The following ST3GAL3 variants were observed in gnomAD, a reference collection of about 807,000 sequenced individuals.
ST3GAL3 encodes the protein ST3 beta-galactoside alpha-2,3-sialyltransferase 3.
A neutral mutation model predicts 50.1 loss-of-function variants in ST3GAL3; 21 were observed. That is an observed-to-expected ratio of 0.42 (90% CI 0.30 to 0.60). ST3GAL3 has a LOEUF of 0.60. ST3GAL3 is among the 20% of genes least tolerant of loss of function. ST3GAL3 has a pLI of 0.19. For missense variants in ST3GAL3, 353 were observed against 489.4 expected, an observed-to-expected ratio of 0.72 and a Z score of 2.63; for synonymous variants, 183 against 190.0, an observed-to-expected ratio of 0.96 and a Z score of 0.30.
chr1:43,902,182 G>T (rs930411151), intron 9 of ST3GAL3, among the ~76,000 whole-genome samples: 9 of 152,342 alleles, frequency 5.9e-5, no homozygotes, highest in Non-Finnish European at 1.3e-4. Flanking sequence ...GATGTTTCCA[G>T]TCATACAGCC....
chr1:43,724,134 T>A (rs979963273), intron 1 of ST3GAL3, among the ~76,000 whole-genome samples: 4 of 152,192 alleles, frequency 2.6e-5, no homozygotes, highest in Admixed American at 2.6e-4. Context: ...ACCTTTAGAA[T>A]GTATTACTTT....
intron 5 of ST3GAL3, among the ~76,000 whole-genome samples, chr1:43,877,574 C>G (rs1186379377): frequency 6.6e-6 from 1 of 152,160 alleles, no homozygotes; most frequent in Non-Finnish European, 1.5e-5. Context: ...AGTAGGAGAT[C>G]TTGGACAAGA....
chr1:43,754,947 G>A (rs1325772122), intron 2 of ST3GAL3, among the ~76,000 whole-genome samples: 1 of 151,476 alleles, frequency 6.6e-6, no homozygotes, highest in African/African-American at 2.4e-5. Context: ...CATAATAAAA[G>A]ATTATCTTTG....
At chr1:43,888,734 A>T (rs896644912) in intron 5 of ST3GAL3, among the ~76,000 whole-genome samples, 6 of 152,160 alleles carry the variant, frequency 3.9e-5, no homozygotes, top group Non-Finnish European at 8.8e-5. Flanking sequence ...TTTTTTTTCT[A>T]TCAGACTAAC....
intron 3 of ST3GAL3, among the ~76,000 whole-genome samples, chr1:43,805,363 C>T (rs2059753289): frequency 6.6e-6 from 1 of 152,238 alleles, no homozygotes; most frequent in African/African-American, 2.4e-5. Context: ...AGTCTCACCA[C>T]TTGCCTGCAA....
At position 43,736,221 on chromosome 1, in the gene ST3GAL3, T is replaced by C; in HGVS notation, c.-30-12T>C. 6.2e-7 allele frequency: 1 copy of C among 1,613,152 alleles called. No individual in the cohort carries two copies. Among genetic ancestry groups the C allele is most frequent in the Non-Finnish European group, 8.5e-7 (1 of 1,179,092 alleles). ...GCTTTGTCTTTTAAGAACTAAACTT[T>C]TTCTTTTCTAGGTCATTTAGGAAAT... is the stretch of plus-strand genomic sequence containing the variant. On this transcript the variant is annotated splice_polypyrimidine_tract_variant and intron_variant, in intron 1 of 11. Transcript: ENST00000347631.
intron 9 of ST3GAL3, among the ~76,000 whole-genome samples, chr1:43,917,488 TAA>T (rs1491478400): frequency 0.015 from 651 of 43,804 alleles, 10 homozygotes; most frequent in Admixed American, 0.036. Context: ...ATATAATATA[TAA>T]TATATATAAT....
intron 3 of ST3GAL3, among the ~76,000 whole-genome samples, chr1:43,803,647 T>A (rs763677185): frequency 2.0e-5 from 3 of 152,256 alleles, no homozygotes; most frequent in Non-Finnish European, 4.4e-5. Context: ...TTTCTGAACC[T>A]TTTAAGAGTT....
Position 43,851,329 on chromosome 1 carries a change from G to C in ST3GAL3, c.302+13018G>C. ...CATCTGGCAGGTCCAGGCCCATGAT[G>C]CACCCATGGGTTTCCACCAGGGCAG... On this transcript the variant is annotated intron_variant, in intron 5 of 11. Transcript: ENST00000347631. The C allele has an allele frequency of 6.6e-6, 10 of 1,516,348 alleles. No individual in the cohort carries two copies. The South Asian group carries it at 1.1e-4, about 17-fold the overall frequency. 93.9% of individuals were successfully genotyped at this position (1,516,348 alleles called of 1,614,324 possible). A position where few individuals can be genotyped will look rare whatever the true frequency, so the allele number is the denominator to read the frequency against.
rs563714153 is a variant in ST3GAL3, at chr1:43,859,508, G to A, written c.302+21197G>A. On this transcript the variant is annotated intron_variant, in intron 5 of 11. Transcript: ENST00000347631. ...TGGGAGGCGAAGGTTGCAGTGAGCC[G>A]AGATCACGCCATTGCACTCCAGCCT... 3.3e-5 allele frequency among the ~76,000 whole-genome samples: 5 copies of A among 151,856 alleles called. No homozygotes were observed. In the South Asian group the frequency reaches 6.2e-4, roughly 19 times the overall value.
chr1:43,888,672 A>G (rs1415146964), intron 5 of ST3GAL3, among the ~76,000 whole-genome samples: 1 of 152,254 alleles, frequency 6.6e-6, no homozygotes, highest in African/African-American at 2.4e-5. Context: ...AAATAATGCT[A>G]AATTCCACTC....
rs2082835767 is a variant in ST3GAL3, at chr1:43,920,418, C to T, written c.759C>T (p.Gly253=). The stretch of plus-strand genomic sequence containing the variant: ...TGTGTCCACAGAGTGCATCGGATGG[C>T]TTCTGGAAATCTGTGGCCACTCGAG... The part of the protein sequence containing the change: ...VYKERVSASD[G]FWKSVATRVP... Residue 253 remains glycine, a synonymous_variant, in exon 10 of 12, where the codon GGC becomes GGT. Coordinates refer to ENST00000347631, the MANE Select transcript of ST3GAL3 (RefSeq NM_006279.5). 1.2e-6 allele frequency: 2 copies of T among 1,614,142 alleles called. No homozygotes were observed. Among genetic ancestry groups the T allele is most frequent in the Non-Finnish European group, 1.7e-6 (2 of 1,180,034 alleles).
intron 1 of ST3GAL3, among the ~76,000 whole-genome samples, chr1:43,726,652 T>C (rs2154078720): frequency 6.6e-6 from 1 of 152,326 alleles, no homozygotes; most frequent in African/African-American, 2.4e-5. Flanking sequence ...TGGAGTGCAG[T>C]GGCACGATCT....
chr1:43,881,943 A>T (rs1307946284), intron 5 of ST3GAL3, among the ~76,000 whole-genome samples: 2 of 152,206 alleles, frequency 1.3e-5, no homozygotes, highest in African/African-American at 4.8e-5. Flanking sequence ...GAAGATCCAC[A>T]TGGTGGAGGC....
At chr1:43,803,784 C>G (rs2059581875) in intron 3 of ST3GAL3, among the ~76,000 whole-genome samples, 1 of 152,208 alleles carries the variant, frequency 6.6e-6, no homozygotes, top group Non-Finnish European at 1.5e-5. Context: ...TCTGAAAAAG[C>G]ACTTTGTGCA....
chr1:43,907,464 G>T (rs1326533040), intron 9 of ST3GAL3, among the ~76,000 whole-genome samples: 1 of 152,136 alleles, frequency 6.6e-6, no homozygotes, highest in Non-Finnish European at 1.5e-5. Flanking sequence ...CCTGTCCGGG[G>T]TCCTTGATCA....
rs1696471171 is a variant in ST3GAL3, at chr1:43,774,538, A to G, written c.119-17564A>G. Among the ~76,000 whole-genome samples, 4 of 152,294 alleles carry G rather than the reference A, an allele frequency of 2.6e-5. No homozygotes were observed. In the South Asian group the frequency reaches 8.3e-4, roughly 32 times the overall value. On this transcript the variant is annotated intron_variant, in intron 2 of 11. Coordinates refer to ENST00000347631, the MANE Select transcript of ST3GAL3 (RefSeq NM_006279.5). ...CCCAGCAAAAGAATGAGAGGAGTCA[A>G]GGCCAAGCGTGGGCAAGCCCCATAT...
At chr1:43,769,638 A>G (rs975430127) in intron 2 of ST3GAL3, among the ~76,000 whole-genome samples, 1 of 152,220 alleles carries the variant, frequency 6.6e-6, no homozygotes, top group Non-Finnish European at 1.5e-5. Context: ...TACCCCGTGA[A>G]GGTGCTGGAC....
chr1:43,925,895 G>A (rs1301656345), intron 11 of ST3GAL3, among the ~76,000 whole-genome samples: 2 of 152,226 alleles, frequency 1.3e-5, no homozygotes, highest in African/African-American at 2.4e-5. Flanking sequence ...GCCGTCGGAT[G>A]TAGCTGTTAG....
Sources: gnomAD v4.1 joint callset for allele counts (sites outside exome capture counted in the v4.1 genomes callset) on GRCh38, gnomAD v4.1.1 for gene constraint, MANE v1.5 for transcripts, NCBI Gene and HGNC (gene_info 2026-07-23, HGNC 2026-07-21) for gene names.